TIA1: variants seen among roughly 807,000 people sequenced by gnomAD.
TIA1 encodes TIA1 cytotoxic granule associated RNA binding protein.
A neutral mutation model predicts 65.9 loss-of-function variants in TIA1; 23 were observed. That is an observed-to-expected ratio of 0.35 (90% CI 0.25 to 0.49). The LOEUF is 0.49. TIA1 is among the 20% of genes least tolerant of loss of function. The pLI is 0.98. For missense variants in TIA1, 371 were observed against 477.9 expected, an observed-to-expected ratio of 0.78 and a Z score of 2.09; for synonymous variants, 147 against 149.4, an observed-to-expected ratio of 0.98 and a Z score of 0.12.
intron 1 of TIA1, among the ~76,000 whole-genome samples, chr2:70,242,907 C>T (rs537922738): frequency 4.6e-5 from 7 of 152,198 alleles, no homozygotes; most frequent in Admixed American, 6.5e-5. Context: ...TTGTCTTCCA[C>T]AAAACTGGTC....
rs553084085 is a variant in TIA1 at position 70,234,844 on chromosome 2, G to A, written c.123+1235C>T. Reference sequence around the variant, plus strand: ...CAAAGTGCTGGGATTACAGGTGTGAGCCACTGTGCCCGGCTAAATAATTAC... The same window carrying A: ...CAAAGTGCTGGGATTACAGGTGTGAACCACTGTGCCCGGCTAAATAATTAC... On this transcript the variant is annotated intron_variant, in intron 2 of 12. Coordinates refer to ENST00000433529, the MANE Select transcript of TIA1 (RefSeq NM_022173.4). 5.9e-5 allele frequency among the ~76,000 whole-genome samples: 9 copies of A among 152,234 alleles called. No individual in the cohort carries two copies. In the East Asian group the frequency reaches 1.7e-3, roughly 29 times the overall value.
At position 70,239,712 on chromosome 2, in the gene TIA1, G is replaced by A. The variant is rs909683207; in HGVS notation, c.27-3537C>T. ...TTAAGATGGCAAAGGAAGAAATGCT[G>A]AGTCTTAATAACAAATGACATTTAA... On this transcript the variant is annotated intron_variant, in intron 1 of 12. Coordinates refer to ENST00000433529, the MANE Select transcript of TIA1 (RefSeq NM_022173.4). 3.3e-5 allele frequency among the ~76,000 whole-genome samples: 5 copies of A among 152,194 alleles called. No individual in the cohort carries two copies. The South Asian group carries it at 1.0e-3, about 32-fold the overall frequency.
chr2:70,237,766 T>C (rs1011983053), intron 1 of TIA1, among the ~76,000 whole-genome samples: 1 of 151,074 alleles, frequency 6.6e-6, no homozygotes, highest in African/African-American at 2.4e-5. Flanking sequence ...GGGGGACGGC[T>C]GAGGCATGAG....
intron 2 of TIA1, among the ~76,000 whole-genome samples, chr2:70,235,476 TA>T (rs1301730217): frequency 1.3e-5 from 2 of 151,822 alleles, no homozygotes; most frequent in African/African-American, 2.4e-5. Context: ...GGAAATGGGG[TA>T]AATGTTCCCT....
intron 1 of TIA1, among the ~76,000 whole-genome samples, chr2:70,242,392 T>C (rs931513589): frequency 2.7e-5 from 4 of 145,706 alleles, no homozygotes; most frequent in African/African-American, 1.0e-4. Flanking sequence ...ATTAGCCAAG[T>C]GTGATGGTGG....
chr2:70,248,361 G>A (rs1695442834), intron 1 of TIA1, 44 bp downstream of exon 1: 3 of 1,592,206 alleles, frequency 1.9e-6, no homozygotes, highest in Admixed American at 1.7e-5. Context: ...CTTCCCTCCG[G>A]GACGACCACC....
intron 1 of TIA1, among the ~76,000 whole-genome samples, chr2:70,236,443 C>A (rs1414661597): frequency 3.3e-5 from 5 of 152,048 alleles, no homozygotes; most frequent in African/African-American, 1.2e-4. Flanking sequence ...AGGTGACCCG[C>A]CTGCTTCAGC....
rs760297134 is a variant in TIA1 at position 70,212,749 on chromosome 2, C to A, written c.1131G>T (p.Gly377=). The change falls in exon 13 of 13, where the codon GGG becomes GGT. Residue 377 remains glycine, a synonymous_variant. Transcript: ENST00000433529. ...GGGTTTCATACCCTGCCACTCGATA[C>A]CCAGAAGGCTGATTGGGCAACATGC... The part of the protein sequence containing the change: ...NGSMLPNQPS[G]YRVAGYETQ The A allele has an allele frequency of 5.0e-6, 8 of 1,614,046 alleles. No individual in the cohort carries two copies. The South Asian group carries it at 5.5e-5, about 11-fold the overall frequency.
chr2:70,233,500 G>A (rs943210030), intron 2 of TIA1, among the ~76,000 whole-genome samples: 1 of 152,076 alleles, frequency 6.6e-6, no homozygotes, highest in African/African-American at 2.4e-5. Context: ...TGGCTGTGGT[G>A]GCTCACGCCT....
chr2:70,238,436 A>G (rs572404541), intron 1 of TIA1, among the ~76,000 whole-genome samples: 2 of 151,410 alleles, frequency 1.3e-5, no homozygotes, highest in South Asian at 4.2e-4. Flanking sequence ...ACGCCCAGCT[A>G]ATTTTTTTAT....
chr2:70,227,865 T>G, intron 5 of TIA1, 43 bp from the exon 6 acceptor site: 2 of 1,364,212 alleles, frequency 1.5e-6, no homozygotes, highest in Non-Finnish European at 2.1e-6. Flanking sequence ...AAAATAGAAC[T>G]TTAGAATTTA....
intron 8 of TIA1, 111 bp from the exon 9 acceptor site, chr2:70,216,610 C>A: frequency 7.7e-7 from 1 of 1,301,358 alleles, no homozygotes; most frequent in East Asian, 2.5e-5. Flanking sequence ...GATCAAAATG[C>A]TTATATTACA....
At chr2:70,216,330 AGTT>A (rs1678628605) in intron 9 of TIA1, 38 bp from the exon 10 acceptor site, 18 of 1,581,410 alleles carry the variant, frequency 1.1e-5, no homozygotes, top group Non-Finnish European at 1.5e-5. Context: ...AATCACACTA[AGTT>A]ATATAAAAAT....
intron 5 of TIA1, chr2:70,228,806 C>T: frequency 1.5e-6 from 2 of 1,377,830 alleles, no homozygotes; most frequent in Non-Finnish European, 1.9e-6. Context: ...GGGTATTTTG[C>T]CCCTTAGTTG....
intron 7 of TIA1, among the ~76,000 whole-genome samples, chr2:70,222,497 G>A (rs1241443018): frequency 6.6e-6 from 1 of 152,190 alleles, no homozygotes; most frequent in Admixed American, 6.5e-5. Context: ...TAGAACATAG[G>A]AAGAGAGGCT....
At chr2:70,213,150 G>A (rs1156251891) in intron 12 of TIA1, among the ~76,000 whole-genome samples, 1 of 151,894 alleles carries the variant, frequency 6.6e-6, no homozygotes, top group African/African-American at 2.4e-5. Context: ...CCCCATTCTT[G>A]GAAAAGAAAG....
rs752924344 is a variant in TIA1, at chr2:70,215,508, T to C, written c.765-14A>G. On this transcript the variant is annotated splice_polypyrimidine_tract_variant and intron_variant, in intron 10 of 12. Coordinates refer to ENST00000433529, the MANE Select transcript of TIA1 (RefSeq NM_022173.4). ...TGGGAATTGAACCTATTGAAAACAA[T>C]ATTAAGAATCACCAATACAAATTCT... The C allele has an allele frequency of 3.8e-6, 6 of 1,595,578 alleles. No homozygotes were observed. Among genetic ancestry groups the C allele is most frequent in the African/African-American group, 2.7e-5 (2 of 74,068 alleles).
At chr2:70,238,351 A>T (rs1043419883) in intron 1 of TIA1, among the ~76,000 whole-genome samples, 1 of 131,072 alleles carries the variant, frequency 7.6e-6, no homozygotes, top group Non-Finnish European at 1.6e-5. Context: ...GCTCATTGCA[A>T]CCTCCACCTC....
intron 11 of TIA1, chr2:70,215,130 T>C (rs951987410): frequency 2.1e-5 from 10 of 478,378 alleles, no homozygotes; most frequent in African/African-American, 2.0e-4. Context: ...AATACCCTTT[T>C]AGGTTTCTCG....
Sources: gnomAD v4.1 joint callset for allele counts (sites outside exome capture counted in the v4.1 genomes callset) on GRCh38, gnomAD v4.1.1 for gene constraint, MANE v1.5 for transcripts, NCBI Gene and HGNC (gene_info 2026-07-23, HGNC 2026-07-21) for gene names.